Variants in REDIC1 observed in about 807,000 individuals in gnomAD.
The protein encoded by REDIC1 is regulator of DNA class I crossover intermediates 1.
chr12:39,643,567 G>T, the REDIC1 span, among the ~76,000 whole-genome samples: 1 of 151,560 alleles, frequency 6.6e-6, no homozygotes, highest in Admixed American at 6.6e-5. Flanking sequence ...TAAAGGTTAT[G>T]CTTAAGGAAG....
the REDIC1 span, among the ~76,000 whole-genome samples, chr12:39,729,210 T>C: frequency 5.3e-5 from 8 of 152,060 alleles, no homozygotes; most frequent in Admixed American, 5.2e-4. Context: ...GCTTTTGAAT[T>C]TGTTAGCTCT....
chr12:39,902,763 T>C, the REDIC1 span, among the ~76,000 whole-genome samples: 1 of 152,124 alleles, frequency 6.6e-6, no homozygotes, highest in Non-Finnish European at 1.5e-5. Context: ...GGGATTTAAA[T>C]AATTTTATAT....
At chr12:39,650,471 T>C in the REDIC1 span, 1 of 1,330,860 alleles carries the variant, frequency 7.5e-7, no homozygotes, top group Non-Finnish European at 9.8e-7. The surrounding 1 kb of genome is among the most constrained non-coding windows in gnomAD (Gnocchi z 4.3). Context: ...TCCTAAGTAA[T>C]ACTTCTAGAA....
the REDIC1 span, among the ~76,000 whole-genome samples, chr12:39,898,020 A>G: frequency 6.6e-6 from 1 of 152,114 alleles, no homozygotes; most frequent in Admixed American, 6.6e-5. Flanking sequence ...ATTAATCATA[A>G]CAATTATTTT....
the REDIC1 span, among the ~76,000 whole-genome samples, chr12:39,897,395 T>A: frequency 2.6e-5 from 4 of 152,142 alleles, no homozygotes; most frequent in African/African-American, 4.8e-5. Context: ...AATTCCCAAC[T>A]GCCTACCCCA....
the REDIC1 span, among the ~76,000 whole-genome samples, chr12:39,649,902 T>C: frequency 6.6e-6 from 1 of 151,968 alleles, no homozygotes; most frequent in African/African-American, 2.4e-5. Flanking sequence ...ATTATTGTTT[T>C]CTGTCAGAGA....
chr12:39,685,021 A>C, the REDIC1 span: 27 of 808,716 alleles, frequency 3.3e-5, no homozygotes, highest in Non-Finnish European at 4.7e-5. Flanking sequence ...TTTAAGCTTA[A>C]CATTTATTCA....
the REDIC1 span, among the ~76,000 whole-genome samples, chr12:39,733,483 T>TTTTTA: frequency 2.0e-5 from 3 of 152,146 alleles, no homozygotes; most frequent in African/African-American, 4.8e-5. Flanking sequence ...TTTTTTAATT[T>TTTTTA]TTTTATTTTA....
chr12:39,723,163 A>G, the REDIC1 span, among the ~76,000 whole-genome samples: 1 of 152,142 alleles, frequency 6.6e-6, no homozygotes, highest in Non-Finnish European at 1.5e-5. Context: ...CTCCCTGTTT[A>G]TTACTTTCCT....
At chr12:39,711,923 A>G in the REDIC1 span, among the ~76,000 whole-genome samples, 1 of 139,822 alleles carries the variant, frequency 7.2e-6, no homozygotes, top group Non-Finnish European at 1.6e-5. Flanking sequence ...ATACACATAC[A>G]TGTCTATATG....
At chr12:39,647,953 A>G in the REDIC1 span, 2 of 1,571,210 alleles carry the variant, frequency 1.3e-6, no homozygotes, top group Non-Finnish European at 1.7e-6. Context: ...AGAAACTTGC[A>G]TATGAAAAAA....
the REDIC1 span, among the ~76,000 whole-genome samples, chr12:39,840,707 C>CA: frequency 6.6e-6 from 1 of 152,036 alleles, no homozygotes; most frequent in African/African-American, 2.4e-5. Context: ...CAGAGTATCA[C>CA]AAAACGCTCA....
At chr12:39,862,514 G>A in the REDIC1 span, among the ~76,000 whole-genome samples, 2 of 152,220 alleles carry the variant, frequency 1.3e-5, no homozygotes, top group East Asian at 3.9e-4. Context: ...TAATAGAATA[G>A]AATATGATGT....
the REDIC1 span, among the ~76,000 whole-genome samples, chr12:39,712,215 T>G: frequency 7.1e-5 from 1 of 14,134 alleles, no homozygotes; most frequent in South Asian, 1.6e-3. Context: ...CATATGTATA[T>G]ATACATGTAT....
the REDIC1 span, among the ~76,000 whole-genome samples, chr12:39,629,021 A>T: frequency 6.6e-6 from 1 of 152,186 alleles, no homozygotes. Context: ...AATAAAGTAA[A>T]TAAAAGTACC....
chr12:39,704,744 A>G, the REDIC1 span, among the ~76,000 whole-genome samples: 4 of 152,262 alleles, frequency 2.6e-5, no homozygotes, highest in Non-Finnish European at 5.9e-5. Context: ...ATGCAGCCAT[A>G]AAAAAGGATG....
chr12:39,744,268 T>C, the REDIC1 span, among the ~76,000 whole-genome samples: 4 of 152,226 alleles, frequency 2.6e-5, no homozygotes, highest in South Asian at 4.1e-4. Flanking sequence ...AAGGACTTTT[T>C]CAGACAAAAA....
the REDIC1 span, among the ~76,000 whole-genome samples, chr12:39,750,722 C>A: frequency 1.3e-5 from 2 of 152,146 alleles, no homozygotes; most frequent in South Asian, 2.1e-4. Flanking sequence ...AGATATAGAA[C>A]AATGGAACAG....
the REDIC1 span, among the ~76,000 whole-genome samples, chr12:39,698,845 T>C: frequency 0.03 from 4,506 of 152,130 alleles, 114 homozygotes; most frequent in Middle Eastern, 0.085. Flanking sequence ...AAAGCAGTAC[T>C]AAGAGGGAAG....
Sources: gnomAD v4.1 joint callset for allele counts (sites outside exome capture counted in the v4.1 genomes callset) on GRCh38, gnomAD v4.1.1 for gene constraint, Gnocchi (gnomAD v3.1) non-coding constraint, MANE v1.5 for transcripts, NCBI Gene and HGNC (gene_info 2026-07-23, HGNC 2026-07-21) for gene names.